VIT: variants seen among roughly 807,000 people sequenced by gnomAD.
VIT encodes the protein vitrin.
Under a neutral mutation model 78.0 loss-of-function variants are expected in VIT, and 99 were observed. The ratio of observed to expected loss-of-function variants is 1.27; its 90% confidence interval spans 1.08 to 1.50. The LOEUF is 1.50. VIT is among the 40% of genes most tolerant of loss of function. The pLI is 0.00. For missense variants in VIT, 1,126 were observed against 875.3 expected (o/e 1.29, Z -3.61); for synonymous variants, 374 against 334.3 (o/e 1.12, Z -1.29).
chr2:36,760,843 G>T (rs11902668), intron 6 of VIT, among the ~76,000 whole-genome samples: 14 of 152,208 alleles, frequency 9.2e-5, no homozygotes, highest in African/African-American at 3.4e-4. Flanking sequence ...CATGGGAACA[G>T]CCAGGCTTCT....
chr2:36,798,073 A>T (rs763871402), intron 12 of VIT, among the ~76,000 whole-genome samples: 9 of 152,208 alleles, frequency 5.9e-5, no homozygotes, highest in Non-Finnish European at 1.2e-4. Flanking sequence ...GGAATATCCT[A>T]AAAAAGAGAG....
chr2:36,763,773 G>C (rs1033693739), intron 6 of VIT, among the ~76,000 whole-genome samples: 1 of 151,970 alleles, frequency 6.6e-6, no homozygotes, highest in Non-Finnish European at 1.5e-5. Flanking sequence ...ATTTTTAGTA[G>C]AGACAGAGTT....
At chr2:36,798,405 G>C (rs1666062161) in intron 12 of VIT, among the ~76,000 whole-genome samples, 3 of 152,132 alleles carry the variant, frequency 2.0e-5, no homozygotes. Flanking sequence ...TGAGGGATGG[G>C]GGCTGATGGG....
chr2:36,750,435 T>C (rs1668386773), intron 4 of VIT, among the ~76,000 whole-genome samples: 1 of 152,238 alleles, frequency 6.6e-6, no homozygotes, highest in Admixed American at 6.5e-5. Flanking sequence ...TCTTGCTTCC[T>C]CTGGCACTTG....
At chr2:36,734,576 C>T (rs1013387986) in intron 3 of VIT, among the ~76,000 whole-genome samples, 1 of 152,058 alleles carries the variant, frequency 6.6e-6, no homozygotes, top group African/African-American at 2.4e-5. Context: ...AAGTAGAAGA[C>T]GTATGGGAAA....
At chr2:36,709,980 A>G (rs1665699777) in intron 1 of VIT, among the ~76,000 whole-genome samples, 1 of 152,224 alleles carries the variant, frequency 6.6e-6, no homozygotes, top group South Asian at 2.1e-4. Context: ...CAACTGAAAG[A>G]AAGAGTGACC....
chr2:36,806,412 G>A (rs1666730453), intron 14 of VIT, among the ~76,000 whole-genome samples: 1 of 152,060 alleles, frequency 6.6e-6, no homozygotes, highest in Non-Finnish European at 1.5e-5. Context: ...GGACTTCCAG[G>A]ATGCTGTATG....
chr2:36,765,578 G>T (rs773242006), intron 6 of VIT, among the ~76,000 whole-genome samples: 6 of 152,204 alleles, frequency 3.9e-5, no homozygotes, highest in Non-Finnish European at 8.8e-5. Flanking sequence ...TGGGGATTAT[G>T]GGGATTACAA....
chr2:36,777,066 G>A (rs908112028), intron 9 of VIT, among the ~76,000 whole-genome samples: 1 of 89,678 alleles, frequency 1.1e-5, no homozygotes, highest in Non-Finnish European at 3.1e-5. Flanking sequence ...TCCAGCCTGG[G>A]CGACAGAGCG....
At chr2:36,776,924 C>T (rs1030217172) in intron 9 of VIT, among the ~76,000 whole-genome samples, 4 of 150,602 alleles carry the variant, frequency 2.7e-5, no homozygotes, top group African/African-American at 7.3e-5. Flanking sequence ...TCCGTCTCTA[C>T]TAAAAACACA....
intron 3 of VIT, among the ~76,000 whole-genome samples, chr2:36,733,216 G>A (rs1157739593): frequency 6.6e-6 from 1 of 152,160 alleles, no homozygotes; most frequent in Non-Finnish European, 1.5e-5. Context: ...CCCAAGGCAG[G>A]AAATACAGCT....
Position 36,808,759 on chromosome 2 carries a change from G to A in VIT, c.1677G>A (p.Arg559=). ...IGAVQYTYEQ[R]LEFGFDKYSS... is the part of the protein sequence containing the mutation. ...CCGTGCAGTACACCTACGAACAGCG[G>A]CTGGAGTTTGGGTTCGACAAGTACA... Residue 559 remains arginine, a synonymous_variant, in exon 15 of 16, where the codon CGG becomes CGA. Transcript: ENST00000379242. 1.2e-6 allele frequency: 2 copies of A among 1,614,058 alleles called. No homozygotes were observed. The highest frequency in any genetic ancestry group is 1.7e-6 in the Non-Finnish European group (2 of 1,179,896).
In VIT at chr2:36,801,352, T is replaced by A. The variant is rs1379835075; in HGVS notation, c.1110T>A (p.Asp370Glu). The A allele has an allele frequency of 2.5e-6, 4 of 1,614,136 alleles. No individual in the cohort carries two copies. The Admixed American group carries it at 6.7e-5, about 27-fold the overall frequency. ...FNLKTHTNSR[D>E]LKTAIEKITQ... Reference sequence around the variant, plus strand: ...TCAAGACACACACGAATTCTCGAGATCTGAAGACAGCCATAGAGAAAATTA... The same window carrying A: ...TCAAGACACACACGAATTCTCGAGAACTGAAGACAGCCATAGAGAAAATTA... The change falls in exon 13 of 16, where the codon GAT (aspartate) becomes GAA (glutamate). Residue 370 changes from aspartate (D) to glutamate (E), a missense_variant. By Grantham distance (45) the Asp-to-Glu change is conservative. Coordinates refer to ENST00000379242, the MANE Select transcript of VIT (RefSeq NM_053276.4).
chr2:36,756,903 C>A (rs550467884), intron 5 of VIT, among the ~76,000 whole-genome samples: 154 of 152,336 alleles, frequency 1.0e-3, no homozygotes, highest in Middle Eastern at 3.4e-3. Flanking sequence ...AAAATTAATT[C>A]TATGGCAGTA....
At chr2:36,723,624 T>A (rs532504939) in intron 2 of VIT, among the ~76,000 whole-genome samples, 8 of 152,312 alleles carry the variant, frequency 5.3e-5, no homozygotes, top group Admixed American at 1.3e-4. Context: ...ATTTTAAAAA[T>A]CAATATTTTA....
chr2:36,787,154 A>C lies in VIT; in HGVS notation c.936A>C (p.Leu312Phe), dbSNP rs755311793. 4.3e-6 allele frequency: 7 copies of C among 1,613,616 alleles called. No individual in the cohort carries two copies. The East Asian group carries it at 1.6e-4, about 36-fold the overall frequency. Reference protein sequence around the residue: ...DPNCKIDLSFLIDGSTSIGKR... With the variant: ...DPNCKIDLSFFIDGSTSIGKR... Reference sequence around the variant, plus strand: ...ACTGCAAAATTGACTTGTCGTTTTTAATTGATGGGAGCACCAGCATTGGCA... The same window carrying C: ...ACTGCAAAATTGACTTGTCGTTTTTCATTGATGGGAGCACCAGCATTGGCA... The change falls in exon 12 of 16, where the codon TTA becomes TTC. Residue 312 changes from leucine (L) to phenylalanine (F), a missense_variant. Coordinates refer to ENST00000379242, the MANE Select transcript of VIT (RefSeq NM_053276.4).
At chr2:36,727,078 G>C (rs1379001492) in intron 2 of VIT, among the ~76,000 whole-genome samples, 1 of 152,174 alleles carries the variant, frequency 6.6e-6, no homozygotes, top group Admixed American at 6.5e-5. Flanking sequence ...TTCTAAGGAG[G>C]AAGCTCAACT....
intron 15 of VIT, among the ~76,000 whole-genome samples, chr2:36,810,493 A>C (rs982924398): frequency 2.6e-5 from 4 of 152,230 alleles, no homozygotes; most frequent in Non-Finnish European, 4.4e-5. Context: ...CAGCCTGGAG[A>C]AAACCCCAAG....
intron 15 of VIT, among the ~76,000 whole-genome samples, chr2:36,813,257 C>G (rs553235875): frequency 3.7e-4 from 56 of 151,874 alleles, no homozygotes; most frequent in Non-Finnish European, 1.3e-4. Context: ...CGAGACCAGC[C>G]TGGCAAACAT....
Sources: gnomAD v4.1 joint callset for allele counts (sites outside exome capture counted in the v4.1 genomes callset) on GRCh38, gnomAD v4.1.1 for gene constraint, MANE v1.5 for transcripts, NCBI Gene and HGNC (gene_info 2026-07-23, HGNC 2026-07-21) for gene names.